The following BNIP5 variants were observed in gnomAD, a reference collection of about 807,000 sequenced individuals.
BNIP5 encodes BCL2 interacting protein 5, also known as protein BNIP5.
In BNIP5, 61 loss-of-function variants were observed where a neutral mutation model predicts 67.3. The ratio of observed to expected loss-of-function variants is 0.91; its 90% CI spans 0.74 to 1.12. The LOEUF is 1.12. BNIP5 is among the 50% of genes most tolerant of loss of function. The pLI is 0.00. For missense variants in BNIP5, 826 were observed against 816.3 expected (o/e 1.01, Z -0.14); for synonymous variants, 317 against 319.0 (o/e 0.99, Z 0.07).
In BNIP5 at chr6:36,316,904, C is replaced by T. The variant is rs575464982; in HGVS notation, c.*452G>A. The T allele has an allele frequency of 2.2e-5, 9 of 404,082 alleles. No homozygotes were observed. The South Asian group carries it at 3.5e-4, about 16-fold the overall frequency. The allele number at this position is 404,082 out of a possible 1,614,324, so 25.0% of individuals were successfully genotyped here. On this transcript the variant is annotated 3_prime_UTR_variant, in exon 12 of 12. Coordinates refer to ENST00000437635, the MANE Select transcript of BNIP5 (RefSeq NM_001010903.5). ...ACTGAAGAAATGATGGGATACACTT[C>T]GATGCATATCTGTTTGGATGCATGT...
Position 36,317,339 on chromosome 6 carries a change from A to G in BNIP5, c.*17T>C, listed in dbSNP as rs745941250. The G allele has an allele frequency of 1.1e-5, 18 of 1,609,562 alleles. No individual in the cohort carries two copies. Among genetic ancestry groups the G allele is most frequent in the Non-Finnish European group, 1.5e-5 (18 of 1,175,908 alleles). ...CATTTGGCTAGTTCAAGGGAATTTG[A>G]GTGCAAGACACAGCTTTCAATCTGG... On this transcript the variant is annotated 3_prime_UTR_variant, in exon 12 of 12. Coordinates refer to ENST00000437635, the MANE Select transcript of BNIP5 (RefSeq NM_001010903.5).
intron 3 of BNIP5, among the ~76,000 whole-genome samples, chr6:36,327,809 C>T (rs537009666): frequency 6.6e-6 from 1 of 152,114 alleles, no homozygotes; most frequent in East Asian, 1.9e-4. Context: ...AAACAAGGTT[C>T]CCTGTTCCCA....
intron 9 of BNIP5, among the ~76,000 whole-genome samples, chr6:36,321,883 T>C (rs1008351723): frequency 6.6e-6 from 1 of 152,194 alleles, no homozygotes; most frequent in African/African-American, 2.4e-5. Flanking sequence ...AATTCATTTG[T>C]GGACTAGTTG....
chr6:36,321,115 G>A, intron 10 of BNIP5, 40 bp downstream of exon 10: 1 of 1,449,378 alleles, frequency 6.9e-7, no homozygotes. Flanking sequence ...GGGTAGATGA[G>A]GCCCTGGGGT....
In BNIP5 at chr6:36,317,180, G is replaced by T; in HGVS notation, c.*176C>A. 1 of 645,154 alleles carries T rather than the reference G, an allele frequency of 1.6e-6. No homozygotes were observed. The highest frequency in any genetic ancestry group is 1.8e-5 in the South Asian group (1 of 54,602). The allele number at this position is 645,154 out of a possible 1,614,324, so 40.0% of individuals were successfully genotyped here. A position where few individuals can be genotyped will look rare whatever the true frequency, so the allele number is the denominator to read the frequency against. The stretch of plus-strand genomic sequence containing the variant: ...GGCCTCTGTGTCTTGCCTTGTGGAA[G>T]AATGCTCTGTGCTTCTCAGATACTA... On this transcript the variant is annotated 3_prime_UTR_variant, in exon 12 of 12. Transcript: ENST00000437635.
rs1771544472 is a variant in BNIP5 at position 36,317,385 on chromosome 6, T to A, written c.1930A>T (p.Thr644Ser). 2.5e-6 allele frequency: 4 copies of A among 1,613,376 alleles called. No individual in the cohort carries two copies. The East Asian group carries it at 8.9e-5, about 36-fold the overall frequency. The change falls in exon 12 of 12, where the codon ACA becomes TCA. Residue 644 changes from threonine (T) to serine (S), a missense_variant. By Grantham distance (58) the Thr-to-Ser change is moderately conservative. Transcript: ENST00000437635. The stretch of plus-strand genomic sequence containing the variant: ...TCTGGACTTTCAACCTTAGGACTTG[T>A]GATGTTCTGGGAAGAGAAAAAGAAC... ...FPYREDQPNITSPKVESPD is the reference protein window; with the variant it reads ...FPYREDQPNISSPKVESPD
At position 36,323,374 on chromosome 6, in the gene BNIP5, G is replaced by A. The variant is rs1771679859; in HGVS notation, c.1390C>T (p.Pro464Ser). ...RRAGAAGAASPEARRPKRPSF... is the reference protein window; with the variant it reads ...RRAGAAGAASSEARRPKRPSF... Reference sequence around the variant, plus strand: ...GGCCTCTTGGGTCGTCGGGCCTCTGGGCTGGCAGCCCCTGCTGCCCCCGCT... The same window carrying A: ...GGCCTCTTGGGTCGTCGGGCCTCTGAGCTGGCAGCCCCTGCTGCCCCCGCT... The change falls in exon 8 of 12, where the codon CCA becomes TCA. Residue 464 changes from proline (P) to serine (S), a missense_variant. Physicochemically the swap from Pro to Ser is moderately conservative, Grantham distance 74. Coordinates refer to ENST00000437635, the MANE Select transcript of BNIP5 (RefSeq NM_001010903.5). 6.2e-7 allele frequency: 1 copy of A among 1,614,266 alleles called. No homozygotes were observed. Among genetic ancestry groups the A allele is most frequent in the South Asian group, 1.1e-5 (1 of 91,090 alleles).
Position 36,330,241 on chromosome 6 carries a change from G to A in BNIP5, c.450C>T (p.His150=), listed in dbSNP as rs778172884. ...GCTTCTTGCGGCTGGGCTTCTTGTC[G>A]TGGTGGGCTTTCTTCCTGAGGGCTG... ...GEPALRKKAH[H]DKKPSRKKQG... The change falls in exon 2 of 12, where the codon CAC becomes CAT. Residue 150 remains histidine, a synonymous_variant. Coordinates refer to ENST00000437635, the MANE Select transcript of BNIP5 (RefSeq NM_001010903.5). 2.1e-5 allele frequency: 34 copies of A among 1,614,020 alleles called. No homozygotes were observed. The highest frequency in any genetic ancestry group is 3.3e-4 in the Middle Eastern group (2 of 6,084).
chr6:36,331,912 C>T (rs1374581320), intron 1 of BNIP5, among the ~76,000 whole-genome samples: 2 of 152,076 alleles, frequency 1.3e-5, no homozygotes, highest in Non-Finnish European at 1.5e-5. Context: ...CCCTGACGGC[C>T]CCCTGTGGTC....
In BNIP5 at chr6:36,326,611, C is replaced by G; in HGVS notation, c.935G>C (p.Gly312Ala). The change falls in exon 5 of 12, where the codon GGG (glycine) becomes GCG (alanine). Residue 312 changes from glycine (G) to alanine (A), a missense_variant. Transcript: ENST00000437635. ...KKHGSEEAKR[G>A]AADVSSPEAW... Reference sequence around the variant, plus strand: ...CTCTGGACTGGAAACATCTGCAGCCCCCCTCTTGGCCTCCTCGGAGCCGTG... The same window carrying G: ...CTCTGGACTGGAAACATCTGCAGCCGCCCTCTTGGCCTCCTCGGAGCCGTG... 6.2e-7 allele frequency: 1 copy of G among 1,614,242 alleles called. No homozygotes were observed.
rs1328384414 is a variant in BNIP5, at chr6:36,330,342, C to T, written c.349G>A (p.Glu117Lys). The change falls in exon 2 of 12, where the codon GAA becomes AAA. Residue 117 changes from glutamate to lysine, a missense_variant. By Grantham distance (56) the Glu-to-Lys change is moderately conservative. Transcript: ENST00000437635. ...FVRTGPEEPR[E>K]KASRRPRGKE... ...CCCCTTGGCCTCCTGCTGGCCTTTT[C>T]TCTGGGCTCCTCAGGGCCCGTCCTC... 1 of 1,614,210 alleles carries T rather than the reference C, an allele frequency of 6.2e-7. No homozygotes were observed. Among genetic ancestry groups the T allele is most frequent in the Admixed American group, 1.7e-5 (1 of 60,022 alleles).
chr6:36,317,533 G>A, intron 11 of BNIP5, 142 bp from the exon 12 acceptor site: 1 of 726,178 alleles, frequency 1.4e-6, no homozygotes, highest in Non-Finnish European at 2.5e-6. Flanking sequence ...AACACCTCCT[G>A]CTGACACTGT....
Position 36,319,576 on chromosome 6 carries a change from TA to T in BNIP5, c.1702del (p.Tyr568ThrfsTer12). ...GCTGAGGGAGGAGTCCGAGAACTCG[TA>T]AAAAAACCTCTTAAAGCTGGGGTGG... ...RRHPSFKRFF[Y>X]EFSDSSLSKL... On this transcript the variant is annotated frameshift_variant, in exon 11 of 12. Transcript: ENST00000437635. LOFTEE classifies it high-confidence loss of function. 1 of 1,613,180 alleles carries T rather than the reference TA, an allele frequency of 6.2e-7. No individual in the cohort carries two copies. The highest frequency in any genetic ancestry group is 8.5e-7 in the Non-Finnish European group (1 of 1,179,356).
intron 4 of BNIP5, 27 bp downstream of exon 4, chr6:36,327,003 T>G: frequency 1.2e-6 from 2 of 1,604,276 alleles, no homozygotes; most frequent in Non-Finnish European, 8.5e-7. Flanking sequence ...AGAGAGCCCC[T>G]GGAGACCTGC....
Position 36,327,013 on chromosome 6 carries a change from CAA to C in BNIP5, c.792+15_792+16del. The C allele has an allele frequency of 6.2e-7, 1 of 1,612,206 alleles. No homozygotes were observed. Among genetic ancestry groups the C allele is most frequent in the East Asian group, 2.2e-5 (1 of 44,874 alleles). On this transcript the variant is annotated intron_variant, in intron 4 of 11. Coordinates refer to ENST00000437635, the MANE Select transcript of BNIP5 (RefSeq NM_001010903.5). Reference sequence around the variant, plus strand: ...AAGGCAGAGAGCCCCTGGAGACCTGCAAAGTTTACTCCTCACCTCTTCTTCCC... The same window carrying C: ...AAGGCAGAGAGCCCCTGGAGACCTGCAGTTTACTCCTCACCTCTTCTTCCC...
Position 36,316,153 on chromosome 6 carries a change from G to C in BNIP5, c.*1203C>G, listed in dbSNP as rs1269711803. 5.4e-6 allele frequency: 1 copy of C among 186,388 alleles called. No individual in the cohort carries two copies. The highest frequency in any genetic ancestry group is 1.9e-4 in the South Asian group (1 of 5,150). The allele number at this position is 186,388 out of a possible 1,614,324, so 11.5% of individuals were successfully genotyped here. On this transcript the variant is annotated 3_prime_UTR_variant, in exon 12 of 12. Transcript: ENST00000437635. Reference sequence around the variant, plus strand: ...CCTCCCCAGTCCTACCCCATGGTGCGACAGCAGGTTCAACACGGCAATACC... The same window carrying C: ...CCTCCCCAGTCCTACCCCATGGTGCCACAGCAGGTTCAACACGGCAATACC...
Position 36,330,121 on chromosome 6 carries a change from G to T in BNIP5, c.570C>A (p.Ala190=). 1 of 1,611,558 alleles carries T rather than the reference G, an allele frequency of 6.2e-7. No homozygotes were observed. Among genetic ancestry groups the T allele is most frequent in the Non-Finnish European group, 8.5e-7 (1 of 1,179,932 alleles). ...REEGLSKAAA[A]LRSGEADLGP... is the part of the protein sequence containing the mutation. Reference sequence around the variant, plus strand: ...CCAGGTCAGCCTCCCCGGAGCGCAAGGCAGCAGCTGCCTTGGACAACCCTT... The same window carrying T: ...CCAGGTCAGCCTCCCCGGAGCGCAATGCAGCAGCTGCCTTGGACAACCCTT... Residue 190 remains alanine, a synonymous_variant, in exon 2 of 12, where the codon GCC becomes GCA. Coordinates refer to ENST00000437635, the MANE Select transcript of BNIP5 (RefSeq NM_001010903.5).
chr6:36,322,863 G>A (rs570369001), intron 8 of BNIP5, among the ~76,000 whole-genome samples: 39 of 152,360 alleles, frequency 2.6e-4, no homozygotes, highest in Non-Finnish European at 3.8e-4. Flanking sequence ...GGCACTCTGT[G>A]ATGTCAGGGG....
In BNIP5 at chr6:36,317,278, G is replaced by T; in HGVS notation, c.*78C>A. 8.9e-7 allele frequency: 1 copy of T among 1,125,982 alleles called. No individual in the cohort carries two copies. The highest frequency in any genetic ancestry group is 1.2e-5 in the South Asian group (1 of 81,340). The allele number at this position is 1,125,982 out of a possible 1,614,324, so 69.7% of individuals were successfully genotyped here. A position where few individuals can be genotyped will look rare whatever the true frequency, so the allele number is the denominator to read the frequency against. On this transcript the variant is annotated 3_prime_UTR_variant, in exon 12 of 12. Coordinates refer to ENST00000437635, the MANE Select transcript of BNIP5 (RefSeq NM_001010903.5). The stretch of plus-strand genomic sequence containing the variant: ...GTGAAGCAGGGATTGGGACATCACA[G>T]AGCATCTTCAGGGTCTCCTGGCTAA...
Sources: allele counts gnomAD v4.1 joint callset (sites outside exome capture counted in the v4.1 genomes callset), GRCh38; gene constraint gnomAD v4.1.1; transcripts MANE v1.5; gene names NCBI Gene and HGNC (gene_info 2026-07-23, HGNC 2026-07-21).